Variants in DIRAS2 observed in about 807,000 individuals in gnomAD.
The protein encoded by DIRAS2 is DIRAS family GTPase 2, also known as GTP-binding protein Di-Ras2.
Under a neutral mutation model 13.9 loss-of-function variants are expected in DIRAS2, and 5 were observed. The observed-to-expected ratio is 0.36, with a 90% CI of 0.19 to 0.76. The LOEUF (loss-of-function observed/expected upper bound fraction) is 0.76. Ranked by LOEUF, DIRAS2 falls within the 30% of genes least tolerant of loss-of-function variation. The pLI, the probability that DIRAS2 is intolerant of heterozygous loss-of-function variation, is 0.53. For synonymous variants in DIRAS2, 111 were observed against 105.4 expected (o/e 1.05, Z -0.33); for missense variants, 191 against 263.0 (o/e 0.73, Z 1.89).
chr9:90,617,286 G>A (rs181767273), intron 1 of DIRAS2, among the ~76,000 whole-genome samples: 1 of 152,200 alleles, frequency 6.6e-6, no homozygotes, highest in Admixed American at 6.5e-5. Flanking sequence ...TGGGACAAAT[G>A]GGGGAGATAT....
intron 1 of DIRAS2, among the ~76,000 whole-genome samples, chr9:90,630,841 C>G (rs1239660831): frequency 6.6e-6 from 1 of 152,130 alleles, no homozygotes; most frequent in African/African-American, 2.4e-5. Context: ...GCTTTGGAAA[C>G]CTAATCATCC....
At position 90,613,800 on chromosome 9, in the gene DIRAS2, C is replaced by G. The variant is rs1435305252; in HGVS notation, c.28G>C (p.Val10Leu). The stretch of plus-strand genomic sequence containing the variant: ...ACACCGCCAGCCCCAAACACGGCCA[C>G]CCGGTAATCGTTACTCTGCTCAGGC... MPEQSNDYR[V>L]AVFGAGGVGK... Residue 10 changes from valine to leucine, a missense_variant, in exon 2 of 2, where the codon GTG becomes CTG. Val to Leu is a conservative substitution (Grantham distance 32, BLOSUM62 1). Transcript: ENST00000375765. This position sits in a 1 kb window ranked among gnomAD's most constrained non-coding sequence, Gnocchi z 5.6. 1 of 1,613,636 alleles carries G rather than the reference C, an allele frequency of 6.2e-7. No individual in the cohort carries two copies. The highest frequency in any genetic ancestry group is 1.1e-5 in the South Asian group (1 of 91,002).
rs189417636 is a variant in DIRAS2, at chr9:90,610,681, G to C, written c.*2547C>G. The C allele has an allele frequency of 2.1e-4, 75 of 357,614 alleles. No homozygotes were observed. The East Asian group carries it at 2.7e-3, about 13-fold the overall frequency. 22.2% of individuals were successfully genotyped at this position (357,614 alleles called of 1,614,324 possible). ...CTCCTCAAACTCTGAGTCAATTGGG[G>C]ATCTCCTAAAAGACGATTTTGAGAT... On this transcript the variant is annotated 3_prime_UTR_variant, in exon 2 of 2. Transcript: ENST00000375765.
intron 1 of DIRAS2, among the ~76,000 whole-genome samples, chr9:90,642,377 G>T (rs564931071): frequency 6.6e-6 from 1 of 152,292 alleles, no homozygotes; most frequent in East Asian, 1.9e-4. Flanking sequence ...TAGCGTGCTT[G>T]GCTTTTTTCT....
chr9:90,633,488 GCT>G (rs1825345276), intron 1 of DIRAS2, among the ~76,000 whole-genome samples: 1 of 152,150 alleles, frequency 6.6e-6, no homozygotes, highest in South Asian at 2.1e-4. Flanking sequence ...ACAGTCAGGG[GCT>G]CACATCAGGT....
Position 90,613,611 on chromosome 9 carries a change from G to C in DIRAS2, c.217C>G (p.Arg73Gly). The change falls in exon 2 of 2, where the codon CGG becomes GGG. Residue 73 changes from arginine (R) to glycine (G), a missense_variant. Coordinates refer to ENST00000375765, the MANE Select transcript of DIRAS2 (RefSeq NM_017594.5). The surrounding 1 kb of genome is among the most constrained non-coding windows in gnomAD (Gnocchi z 5.6). The part of the protein sequence containing the change: ...TGSHQFPAMQ[R>G]LSISKGHAFI... ...GCGTGCCCTTTGGAGATGGACAGCC[G>C]CTGCATGGCCGGGAACTGGTGGCTC... The C allele has an allele frequency of 6.2e-7, 1 of 1,614,140 alleles. No homozygotes were observed. The highest frequency in any genetic ancestry group is 1.1e-5 in the South Asian group (1 of 91,070).
chr9:90,625,062 A>G (rs1304932568), intron 1 of DIRAS2, among the ~76,000 whole-genome samples: 1 of 152,256 alleles, frequency 6.6e-6, no homozygotes, highest in Non-Finnish European at 1.5e-5. Flanking sequence ...GTCTTGGTCA[A>G]GGGACTGGTG....
chr9:90,628,557 T>C (rs908441609), intron 1 of DIRAS2, among the ~76,000 whole-genome samples: 1 of 151,410 alleles, frequency 6.6e-6, no homozygotes, highest in Non-Finnish European at 1.5e-5. Context: ...ACACACGTAT[T>C]TTTTTTGAGA....
intron 1 of DIRAS2, among the ~76,000 whole-genome samples, chr9:90,625,404 G>A (rs1825259104): frequency 6.6e-6 from 1 of 152,168 alleles, no homozygotes; most frequent in South Asian, 2.1e-4. Context: ...TGAATCCAAG[G>A]TCATGAAGAT....
In DIRAS2 at chr9:90,613,053, G is replaced by C. The variant is rs1156987046; in HGVS notation, c.*175C>G. On this transcript the variant is annotated 3_prime_UTR_variant, in exon 2 of 2. Coordinates refer to ENST00000375765, the MANE Select transcript of DIRAS2 (RefSeq NM_017594.5). This position sits in a 1 kb window ranked among gnomAD's most constrained non-coding sequence, Gnocchi z 5.6. ...CTGGCAGATTCTGTGACTCCAGAGTGGGTGGCTTACTGTTGGTGGTGTGAA... is the reference window on the plus strand; with the variant it reads ...CTGGCAGATTCTGTGACTCCAGAGTCGGTGGCTTACTGTTGGTGGTGTGAA... 34 of 830,958 alleles carry C rather than the reference G, an allele frequency of 4.1e-5. No individual in the cohort carries two copies. The highest frequency in any genetic ancestry group is 6.2e-5 in the Non-Finnish European group (34 of 547,508). The allele number at this position is 830,958 out of a possible 1,614,324, so 51.5% of individuals were successfully genotyped here.
intron 1 of DIRAS2, among the ~76,000 whole-genome samples, chr9:90,618,157 C>A (rs1160753819): frequency 6.6e-6 from 1 of 152,168 alleles, no homozygotes; most frequent in Non-Finnish European, 1.5e-5. Flanking sequence ...CCCATACTTC[C>A]TGATTTCAAA....
At chr9:90,621,691 A>G (rs772203693) in intron 1 of DIRAS2, among the ~76,000 whole-genome samples, 9 of 152,204 alleles carry the variant, frequency 5.9e-5, no homozygotes, top group Non-Finnish European at 1.3e-4. Context: ...TAAAAGAATG[A>G]GAACTTAGTC....
rs894262247 is a variant in DIRAS2 at position 90,616,101 on chromosome 9, G to A, written c.-36-2238C>T. Among the ~76,000 whole-genome samples the A allele has an allele frequency of 1.1e-4, 16 of 152,336 alleles. No homozygotes were observed. The East Asian group carries it at 2.7e-3, about 26-fold the overall frequency. On this transcript the variant is annotated intron_variant, in intron 1 of 1. Coordinates refer to ENST00000375765, the MANE Select transcript of DIRAS2 (RefSeq NM_017594.5). ...GTTCTGCATCCCAATGTATCTCAAA[G>A]ATCTCTTGGTTCACAGCACATACAC... is the stretch of plus-strand genomic sequence containing the variant.
chr9:90,628,190 G>C (rs1198624326), intron 1 of DIRAS2, among the ~76,000 whole-genome samples: 1 of 152,086 alleles, frequency 6.6e-6, no homozygotes, highest in Non-Finnish European at 1.5e-5. Context: ...TATTAGCCAC[G>C]GCATCTAACA....
In DIRAS2 at chr9:90,611,987, C is replaced by G. The variant is rs780750971; in HGVS notation, c.*1241G>C. 6.6e-6 allele frequency: 1 copy of G among 152,204 alleles called. No individual in the cohort carries two copies. Among genetic ancestry groups the G allele is most frequent in the Non-Finnish European group, 1.5e-5 (1 of 68,032 alleles). 9.4% of individuals were successfully genotyped at this position (152,204 alleles called of 1,614,324 possible). On this transcript the variant is annotated 3_prime_UTR_variant, in exon 2 of 2. Coordinates refer to ENST00000375765, the MANE Select transcript of DIRAS2 (RefSeq NM_017594.5). ...AGCTAACACAGGAAACCTGAAATAGCTGTAATTTGGCTTGAAAGATTAAAG... is the reference window on the plus strand; with the variant it reads ...AGCTAACACAGGAAACCTGAAATAGGTGTAATTTGGCTTGAAAGATTAAAG...
chr9:90,637,893 T>C (rs569304631), intron 1 of DIRAS2, among the ~76,000 whole-genome samples: 2 of 152,294 alleles, frequency 1.3e-5, no homozygotes, highest in South Asian at 4.1e-4. Context: ...GTCTCAGGCT[T>C]AGCAAGGCCA....
chr9:90,640,288 T>C (rs1407598079), intron 1 of DIRAS2, among the ~76,000 whole-genome samples: 1 of 152,206 alleles, frequency 6.6e-6, no homozygotes, highest in Non-Finnish European at 1.5e-5. Flanking sequence ...AAGGAATCTC[T>C]TTCCTAAATT....
chr9:90,621,511 C>T (rs690571), intron 1 of DIRAS2, among the ~76,000 whole-genome samples: 130,257 of 152,174 alleles, frequency 0.86, 56,097 homozygotes, highest in Middle Eastern at 0.97. Context: ...GAAAGCCTGA[C>T]TGCATTTTAA....
intron 1 of DIRAS2, among the ~76,000 whole-genome samples, chr9:90,631,184 T>C (rs1000189181): frequency 2.6e-5 from 4 of 152,212 alleles, no homozygotes; most frequent in Non-Finnish European, 5.9e-5. Flanking sequence ...GCATGAACTC[T>C]GTGGAAACCT....
Sources: gnomAD v4.1 joint callset for allele counts (sites outside exome capture counted in the v4.1 genomes callset) on GRCh38, gnomAD v4.1.1 for gene constraint, Gnocchi (gnomAD v3.1) non-coding constraint, MANE v1.5 for transcripts, NCBI Gene and HGNC (gene_info 2026-07-23, HGNC 2026-07-21) for gene names.